Variants in OLFM3 observed in about 807,000 individuals in gnomAD.
OLFM3 encodes olfactomedin 3.
OLFM3 carries 20 observed loss-of-function variants against 48.6 expected under a neutral mutation model. The ratio of observed to expected loss-of-function variants is 0.41; its 90% CI spans 0.29 to 0.60. OLFM3 has a LOEUF of 0.60. Among genes scored for constraint, OLFM3 ranks in the 20% least tolerant of loss-of-function variants. The pLI, the probability that OLFM3 is intolerant of heterozygous loss-of-function variation, is 0.28. For synonymous variants in OLFM3, 222 were observed against 198.1 expected, an observed-to-expected ratio of 1.12 and a Z score of -1.01; for missense variants, 437 against 544.3, an observed-to-expected ratio of 0.80 and a Z score of 1.96.
chr1:101,829,230 A>C (rs1481034656), intron 3 of OLFM3, among the ~76,000 whole-genome samples: 1 of 152,124 alleles, frequency 6.6e-6, no homozygotes, highest in Admixed American at 6.5e-5. Context: ...CCATTTATCC[A>C]TAAGTTTCCT....
intron 1 of OLFM3, among the ~76,000 whole-genome samples, chr1:101,948,336 G>A (rs996048132): frequency 6.6e-6 from 1 of 151,956 alleles, no homozygotes; most frequent in Non-Finnish European, 1.5e-5. Flanking sequence ...TTCAGAAAAT[G>A]AGTTTTCTTC....
chr1:101,920,165 T>C (rs1210904479), intron 1 of OLFM3, among the ~76,000 whole-genome samples: 1 of 152,228 alleles, frequency 6.6e-6, no homozygotes, highest in Non-Finnish European at 1.5e-5. Context: ...CTTCCCTACA[T>C]TACATTTTCA....
intron 1 of OLFM3, among the ~76,000 whole-genome samples, chr1:101,839,227 C>T (rs1032044707): frequency 1.1e-4 from 17 of 152,176 alleles, no homozygotes; most frequent in African/African-American, 3.9e-4. Context: ...ACATTCTCCC[C>T]ATCCCTTCTT....
intron 1 of OLFM3, among the ~76,000 whole-genome samples, chr1:101,867,410 G>A (rs1656898975): frequency 6.6e-6 from 1 of 152,088 alleles, no homozygotes; most frequent in Non-Finnish European, 1.5e-5. Flanking sequence ...TCTTAATATG[G>A]AGAACTCCTG....
intron 1 of OLFM3, among the ~76,000 whole-genome samples, chr1:101,990,333 C>T (rs1285987909): frequency 1.3e-5 from 2 of 152,096 alleles, no homozygotes; most frequent in South Asian, 2.1e-4. Flanking sequence ...AGTGAAGGAA[C>T]GTGATAAGCC....
chr1:101,809,422 G>A (rs1653939218), intron 4 of OLFM3, among the ~76,000 whole-genome samples: 1 of 151,812 alleles, frequency 6.6e-6, no homozygotes, highest in Non-Finnish European at 1.5e-5. Context: ...CAATGATGAG[G>A]GCCTTTATAT....
intron 4 of OLFM3, among the ~76,000 whole-genome samples, chr1:101,815,585 G>C (rs1241541020): frequency 6.7e-6 from 1 of 149,456 alleles, no homozygotes; most frequent in Non-Finnish European, 1.5e-5. Context: ...CTTTGGATTA[G>C]ATGTGAGGAA....
At chr1:101,846,919 A>T in intron 1 of OLFM3, 1 of 1,612,782 alleles carries the variant, frequency 6.2e-7, no homozygotes, top group Non-Finnish European at 8.5e-7. Context: ...ATCCAGTTTG[A>T]GATCATTGCC....
At chr1:101,865,676 T>A (rs1275015668) in intron 1 of OLFM3, among the ~76,000 whole-genome samples, 1 of 152,182 alleles carries the variant, frequency 6.6e-6, no homozygotes, top group Non-Finnish European at 1.5e-5. Flanking sequence ...GCATATCCAA[T>A]AGCCCCAGAA....
chr1:101,961,284 T>C (rs967106385), intron 1 of OLFM3, among the ~76,000 whole-genome samples: 4 of 152,032 alleles, frequency 2.6e-5, no homozygotes, highest in Non-Finnish European at 4.4e-5. Context: ...ATTTAATTTG[T>C]AAATGGAAAA....
At chr1:101,961,709 G>T (rs1039935033) in intron 1 of OLFM3, among the ~76,000 whole-genome samples, 3 of 152,086 alleles carry the variant, frequency 2.0e-5, no homozygotes, top group Non-Finnish European at 2.9e-5. Flanking sequence ...CAAATTATCA[G>T]AATAGGTCGC....
intron 1 of OLFM3, among the ~76,000 whole-genome samples, chr1:101,838,737 C>T (rs1352563758): frequency 2.6e-5 from 4 of 152,188 alleles, no homozygotes; most frequent in Non-Finnish European, 5.9e-5. Flanking sequence ...GCCTCAGCCT[C>T]CCAAAGTGCT....
chr1:101,811,613 A>T (rs994565551), intron 4 of OLFM3, among the ~76,000 whole-genome samples: 1 of 152,222 alleles, frequency 6.6e-6, no homozygotes, highest in Non-Finnish European at 1.5e-5. Flanking sequence ...CCATCAGAGA[A>T]ATGCAAATCA....
chr1:101,949,764 A>T (rs1660064966), intron 1 of OLFM3, among the ~76,000 whole-genome samples: 1 of 151,964 alleles, frequency 6.6e-6, no homozygotes. Flanking sequence ...CCCCGTCTCT[A>T]CTAAAAATAC....
At chr1:101,875,861 T>G (rs1049270555) in intron 1 of OLFM3, among the ~76,000 whole-genome samples, 1 of 152,018 alleles carries the variant, frequency 6.6e-6, no homozygotes, top group Non-Finnish European at 1.5e-5. Flanking sequence ...AACACTGTCA[T>G]TTAAGTGGAT....
chr1:101,925,194 G>A (rs905268500), intron 1 of OLFM3, among the ~76,000 whole-genome samples: 1 of 151,976 alleles, frequency 6.6e-6, no homozygotes, highest in Non-Finnish European at 1.5e-5. Context: ...AGAGGGAATA[G>A]TGGGAGATAA....
chr1:101,967,060 T>TCAGTGGAG (rs1351973814), intron 1 of OLFM3, among the ~76,000 whole-genome samples: 1 of 152,178 alleles, frequency 6.6e-6, no homozygotes. Flanking sequence ...CAGTTGCTAT[T>TCAGTGGAG]TATATTAAAC....
chr1:101,953,520 C>T (rs1043060081), intron 1 of OLFM3, among the ~76,000 whole-genome samples: 1 of 152,120 alleles, frequency 6.6e-6, no homozygotes, highest in Non-Finnish European at 1.5e-5. Flanking sequence ...CTCTGCTTCT[C>T]TTTATCTGCC....
At chr1:101,862,163 C>G (rs1037919635) in intron 1 of OLFM3, among the ~76,000 whole-genome samples, 2 of 152,026 alleles carry the variant, frequency 1.3e-5, no homozygotes, top group Admixed American at 1.3e-4. Context: ...CTGAAAAACC[C>G]TTATCTGAAA....
Sources: allele counts gnomAD v4.1 joint callset (sites outside exome capture counted in the v4.1 genomes callset), GRCh38; gene constraint gnomAD v4.1.1; transcripts MANE v1.5; gene names NCBI Gene and HGNC (gene_info 2026-07-23, HGNC 2026-07-21).